Variants in CHD9 observed in about 807,000 individuals in gnomAD.
The protein encoded by CHD9 is chromodomain helicase DNA binding protein 9.
CHD9 carries 77 observed loss-of-function variants against 316.1 expected under a neutral mutation model. The ratio of observed to expected loss-of-function variants is 0.24; its 90% CI spans 0.20 to 0.29. CHD9 has a LOEUF of 0.29. Ranked by LOEUF, CHD9 falls within the 10% of genes least tolerant of loss-of-function variation. The probability of loss-of-function intolerance (pLI) is 1.00; values close to 1 mark genes in which losing one functional copy is unlikely to be tolerated. For missense variants in CHD9, 2,763 were observed against 3,438.1 expected, an observed-to-expected ratio of 0.80 and a Z score of 4.91; for synonymous variants, 1,129 against 1,158.3, an observed-to-expected ratio of 0.97 and a Z score of 0.51.
chr16:53,170,240 A>T (rs2042603098), intron 2 of CHD9, among the ~76,000 whole-genome samples: 1 of 152,114 alleles, frequency 6.6e-6, no homozygotes. Flanking sequence ...GATTTTTTAA[A>T]AAATCAGTTG....
intron 1 of CHD9, among the ~76,000 whole-genome samples, chr16:53,125,907 T>C (rs1277453107): frequency 6.6e-6 from 1 of 152,234 alleles, no homozygotes; most frequent in African/African-American, 2.4e-5. Flanking sequence ...GAGGAGCATC[T>C]GTAATTTATT....
rs1200254500 is a variant in CHD9 at position 53,255,601 on chromosome 16, T to C, written c.4031T>C (p.Ile1344Thr). 2.5e-6 allele frequency: 4 copies of C among 1,610,878 alleles called. No individual in the cohort carries two copies. The highest frequency in any genetic ancestry group is 3.4e-6 in the Non-Finnish European group (4 of 1,178,868). ...MSGRESNVGGIQQLSKKEIED... is the reference protein window; with the variant it reads ...MSGRESNVGGTQQLSKKEIED... ...TTATGGAAGTTAATTTCTCCTTAGA[T>C]TCAGCAGCTTTCCAAAAAGGAAATA... The change falls in exon 19 of 39, where the codon ATT becomes ACT. Residue 1344 changes from isoleucine to threonine, a missense_variant and splice_region_variant. By Grantham distance (89) the Ile-to-Thr change is moderately conservative. Transcript: ENST00000447540.
intron 19 of CHD9, among the ~76,000 whole-genome samples, chr16:53,257,559 A>C (rs543863341): frequency 6.6e-6 from 1 of 152,306 alleles, no homozygotes; most frequent in Non-Finnish European, 1.5e-5. Flanking sequence ...AGGAAGAGTC[A>C]GAAATGACTT....
intron 1 of CHD9, among the ~76,000 whole-genome samples, chr16:53,145,481 T>C (rs375993587): frequency 4.8e-4 from 72 of 150,592 alleles, no homozygotes; most frequent in African/African-American, 1.2e-3. Flanking sequence ...CTGAGGCGGG[T>C]GGATCACCTG....
chr16:53,167,946 C>T (rs752790759), intron 2 of CHD9, among the ~76,000 whole-genome samples: 3 of 151,890 alleles, frequency 2.0e-5, no homozygotes, highest in South Asian at 2.1e-4. Flanking sequence ...AGGATTTTTC[C>T]CCCTAATTAC....
intron 24 of CHD9, among the ~76,000 whole-genome samples, chr16:53,283,655 C>T (rs1336360675): frequency 6.6e-6 from 1 of 152,062 alleles, no homozygotes; most frequent in East Asian, 1.9e-4. Context: ...CTTAATAACT[C>T]GTTCAAAAAT....
intron 15 of CHD9, among the ~76,000 whole-genome samples, chr16:53,246,822 C>T (rs2049672958): frequency 1.3e-5 from 2 of 152,094 alleles, no homozygotes; most frequent in Non-Finnish European, 2.9e-5. Flanking sequence ...CTGCACCTAG[C>T]CTTAATTTTT....
chr16:53,214,403 A>G (rs1193766422), intron 3 of CHD9, among the ~76,000 whole-genome samples: 1 of 152,210 alleles, frequency 6.6e-6, no homozygotes, highest in African/African-American at 2.4e-5. Context: ...ATATGCTCGA[A>G]TTAAATATAA....
intron 34 of CHD9, among the ~76,000 whole-genome samples, chr16:53,313,953 C>CAA (rs368259661): frequency 7.9e-5 from 7 of 88,836 alleles, no homozygotes; most frequent in South Asian, 3.2e-4. Flanking sequence ...ACTCCGTCTC[C>CAA]AAAAAAAAAA....
intron 1 of CHD9, among the ~76,000 whole-genome samples, chr16:53,060,495 C>T (rs1158049783): frequency 1.3e-5 from 2 of 151,728 alleles, no homozygotes; most frequent in African/African-American, 2.4e-5. Context: ...TGGTGGCTCA[C>T]ACCTGTAATT....
rs2057390333 is a variant in CHD9 at position 53,323,328 on chromosome 16, A to G, written c.7819-692A>G. Reference sequence around the variant, plus strand: ...TGGCTACTATAAAATTTCAAGTTACATATGTGGCTTACATTGTATTTCTAT... The same window carrying G: ...TGGCTACTATAAAATTTCAAGTTACGTATGTGGCTTACATTGTATTTCTAT... On this transcript the variant is annotated intron_variant, in intron 38 of 38. Transcript: ENST00000447540. 2.6e-5 allele frequency among the ~76,000 whole-genome samples: 4 copies of G among 152,340 alleles called. No individual in the cohort carries two copies. The South Asian group carries it at 6.2e-4, about 24-fold the overall frequency.
intron 2 of CHD9, among the ~76,000 whole-genome samples, chr16:53,182,051 C>G (rs1473594164): frequency 1.3e-5 from 2 of 152,076 alleles, no homozygotes; most frequent in South Asian, 4.2e-4. Context: ...TGCACTCCAG[C>G]CTGGGCAACA....
chr16:53,277,220 A>T (rs2052930953), intron 24 of CHD9, among the ~76,000 whole-genome samples: 2 of 152,172 alleles, frequency 1.3e-5, no homozygotes, highest in South Asian at 4.1e-4. Context: ...CTATTCCACA[A>T]GATAGAGAAA....
intron 1 of CHD9, among the ~76,000 whole-genome samples, chr16:53,068,917 AT>A (rs1281171930): frequency 6.6e-6 from 1 of 152,232 alleles, no homozygotes; most frequent in Non-Finnish European, 1.5e-5. Flanking sequence ...TTTTATATAT[AT>A]CCACATATTT....
intron 1 of CHD9, among the ~76,000 whole-genome samples, chr16:53,135,765 T>C (rs959633160): frequency 9.2e-5 from 14 of 152,176 alleles, no homozygotes; most frequent in African/African-American, 3.4e-4. Context: ...ATTCATATTG[T>C]GTTATTTGAG....
chr16:53,055,933 G>A (rs1252597968), intron 1 of CHD9, among the ~76,000 whole-genome samples: 1 of 152,238 alleles, frequency 6.6e-6, no homozygotes, highest in African/African-American at 2.4e-5. Flanking sequence ...AAGATCAGGA[G>A]ACTGGCTGGA....
intron 1 of CHD9, among the ~76,000 whole-genome samples, chr16:53,123,400 G>C (rs2038832996): frequency 6.6e-6 from 1 of 151,802 alleles, no homozygotes; most frequent in African/African-American, 2.4e-5. Context: ...TCTACTTTCT[G>C]TCTACTTTCT....
chr16:53,254,608 A>G lies in CHD9; in HGVS notation c.4029+3A>G. Reference sequence around the variant, plus strand: ...GAAGAGAAAGTAATGTTGGTGGTGTATGTATAGTTTCTTTTTCACTTGAGA... The same window carrying G: ...GAAGAGAAAGTAATGTTGGTGGTGTGTGTATAGTTTCTTTTTCACTTGAGA... On this transcript the variant is annotated splice_donor_region_variant and intron_variant, in intron 18 of 38. Coordinates refer to ENST00000447540, the MANE Select transcript of CHD9 (RefSeq NM_001308319.2). 1.3e-6 allele frequency: 2 copies of G among 1,581,430 alleles called. No homozygotes were observed. The highest frequency in any genetic ancestry group is 1.7e-6 in the Non-Finnish European group (2 of 1,159,996).
intron 1 of CHD9, among the ~76,000 whole-genome samples, chr16:53,113,208 A>G (rs765853996): frequency 2.0e-4 from 31 of 152,066 alleles, no homozygotes; most frequent in Non-Finnish European, 3.1e-4. Context: ...AAGAACGTCA[A>G]TGTGAGGCAG....
Sources: allele counts gnomAD v4.1 joint callset (sites outside exome capture counted in the v4.1 genomes callset), GRCh38; gene constraint gnomAD v4.1.1; transcripts MANE v1.5; gene names NCBI Gene and HGNC (gene_info 2026-07-23, HGNC 2026-07-21).